Variants in MED1 observed in about 807,000 individuals in gnomAD.
MED1 encodes mediator of RNA polymerase II transcription subunit 1.
A neutral mutation model predicts 121.3 loss-of-function variants in MED1; 17 were observed. The ratio of observed to expected loss-of-function variants is 0.14; its 90% CI spans 0.10 to 0.21. The LOEUF is 0.21. Ranked by LOEUF, MED1 falls within the 10% of genes least tolerant of loss-of-function variation. The pLI, the probability that MED1 is intolerant of heterozygous loss-of-function variation, is 1.00. For synonymous variants in MED1, 661 were observed against 694.4 expected (o/e 0.95, Z 0.76); for missense variants, 1,558 against 1,919.4 (o/e 0.81, Z 3.52).
chr17:39,448,548 CAAA>C (rs71147333), intron 1 of MED1, among the ~76,000 whole-genome samples: 5 of 69,996 alleles, frequency 7.1e-5, no homozygotes, highest in Admixed American at 1.7e-4. Context: ...GACATTGTGT[CAAA>C]AAAAAAAAAA....
chr17:39,440,331 A>G lies in MED1; in HGVS notation c.399+55T>C, dbSNP rs1020912656. ...TTAAACCCCAACAATTAATTTTAAAATTAATGTCCCTAAGTAAACCCCACA... is the reference window on the plus strand; with the variant it reads ...TTAAACCCCAACAATTAATTTTAAAGTTAATGTCCCTAAGTAAACCCCACA... On this transcript the variant is annotated intron_variant, in intron 5 of 16. Coordinates refer to ENST00000300651, the MANE Select transcript of MED1 (RefSeq NM_004774.4). The surrounding 1 kb of genome is among the most constrained non-coding windows in gnomAD (Gnocchi z 4.1). 6.7e-7 allele frequency: 1 copy of G among 1,492,662 alleles called. No individual in the cohort carries two copies. The highest frequency in any genetic ancestry group is 2.6e-5 in the Admixed American group (1 of 38,424). The allele number at this position is 1,492,662 out of a possible 1,614,324, so 92.5% of individuals were successfully genotyped here.
Position 39,410,812 on chromosome 17 carries a change from G to A in MED1, c.1500-91C>T, listed in dbSNP as rs2048348758. 1.3e-5 allele frequency: 20 copies of A among 1,494,344 alleles called. No individual in the cohort carries two copies. The Middle Eastern group carries it at 6.9e-4, about 51-fold the overall frequency. The allele number at this position is 1,494,344 out of a possible 1,614,324, so 92.6% of individuals were successfully genotyped here. A position where few individuals can be genotyped will look rare whatever the true frequency, so the allele number is the denominator to read the frequency against. ...ATATAACATCAGAGTTTTGCAGTAA[G>A]CAGTTTTCAGGTAGGGCAAATAATC... On this transcript the variant is annotated intron_variant, in intron 16 of 16. Transcript: ENST00000300651.
intron 2 of MED1, among the ~76,000 whole-genome samples, chr17:39,446,217 G>A (rs902912586): frequency 4.0e-5 from 6 of 151,476 alleles, no homozygotes; most frequent in Non-Finnish European, 7.4e-5. Context: ...TTGAGAGGCC[G>A]AGACGGGTGG....
At chr17:39,413,725 C>T (rs1454174255) in intron 16 of MED1, among the ~76,000 whole-genome samples, 1 of 151,620 alleles carries the variant, frequency 6.6e-6, no homozygotes, top group East Asian at 1.9e-4. Flanking sequence ...CAGAGTGAGA[C>T]TCTTGTCTCA....
At chr17:39,443,834 A>C (rs1419385591) in intron 2 of MED1, among the ~76,000 whole-genome samples, 2 of 151,666 alleles carry the variant, frequency 1.3e-5, no homozygotes, top group South Asian at 4.2e-4. Context: ...TGAGTGTAGA[A>C]AAAGGTATTC....
At chr17:39,438,234 C>T (rs371521601) in intron 6 of MED1, among the ~76,000 whole-genome samples, 5 of 149,274 alleles carry the variant, frequency 3.3e-5, no homozygotes, top group Non-Finnish European at 5.9e-5. Flanking sequence ...TGCAGTGGCA[C>T]GATCTCAGCA....
At chr17:39,420,717 C>T (rs1346158397) in intron 13 of MED1, among the ~76,000 whole-genome samples, 1 of 151,504 alleles carries the variant, frequency 6.6e-6, no homozygotes, top group Non-Finnish European at 1.5e-5. Context: ...TCATTGCAAT[C>T]TCTACCTCCC....
chr17:39,424,108 C>T (rs564311975), intron 11 of MED1, among the ~76,000 whole-genome samples: 89 of 152,188 alleles, frequency 5.8e-4, no homozygotes, highest in Non-Finnish European at 1.0e-3. Context: ...GTCTTGAACT[C>T]CTGACCTCAG....
chr17:39,440,769 C>A lies in MED1; in HGVS notation c.212-92G>T. 1 of 1,227,450 alleles carries A rather than the reference C, an allele frequency of 8.1e-7. No individual in the cohort carries two copies. Among genetic ancestry groups the A allele is most frequent in the Non-Finnish European group, 1.2e-6 (1 of 851,614 alleles). 76.0% of individuals were successfully genotyped at this position (1,227,450 alleles called of 1,614,324 possible). On this transcript the variant is annotated intron_variant, in intron 3 of 16. Transcript: ENST00000300651. This position sits in a 1 kb window ranked among gnomAD's most constrained non-coding sequence, Gnocchi z 4.1. ...ACAGAAAGATTCATCCTTCCAAAAC[C>A]GTAAACATATTCAGTAGTTCAAATG...
rs924795139 is a variant in MED1 at position 39,409,255 on chromosome 17, T to C, written c.2966A>G (p.Asp989Gly). 2.5e-6 allele frequency: 4 copies of C among 1,614,170 alleles called. No individual in the cohort carries two copies. The highest frequency in any genetic ancestry group is 3.4e-6 in the Non-Finnish European group (4 of 1,180,032). Residue 989 changes from aspartate to glycine, a missense_variant, in exon 17 of 17, where the codon GAC (aspartate) becomes GGC (glycine). Physicochemically the swap from Asp to Gly is moderately conservative, Grantham distance 94. Around this residue, in one of 5 missense-constraint regions of MED1, gnomAD observed 793 missense variants for 898.2 expected, o/e 0.88. Coordinates refer to ENST00000300651, the MANE Select transcript of MED1 (RefSeq NM_004774.4). ...CCGACTGCGCTTCCCTGGTTTGCTG[T>C]CTAATCCGGGCCCCGAGAGAGTACT... ...SNSTLSGPGLDSKPGKRSRTP... is the reference protein window; with the variant it reads ...SNSTLSGPGLGSKPGKRSRTP...
chr17:39,436,911 G>A (rs185535169), intron 6 of MED1, among the ~76,000 whole-genome samples: 112 of 151,718 alleles, frequency 7.4e-4, no homozygotes, highest in Middle Eastern at 3.4e-3. Context: ...GGGATTACAC[G>A]TGTGAGCCAC....
Position 39,405,774 on chromosome 17 carries a change from G to A in MED1, c.*1701C>T, listed in dbSNP as rs1454878444. Reference sequence around the variant, plus strand: ...AAAAGGAGAACACTAGAGGAAATGAGACAGGAAAGAAAGCCAAAGCTGATT... The same window carrying A: ...AAAAGGAGAACACTAGAGGAAATGAAACAGGAAAGAAAGCCAAAGCTGATT... On this transcript the variant is annotated 3_prime_UTR_variant, in exon 17 of 17. Coordinates refer to ENST00000300651, the MANE Select transcript of MED1 (RefSeq NM_004774.4). 1.0e-6 allele frequency: 1 copy of A among 986,510 alleles called. No individual in the cohort carries two copies. The highest frequency in any genetic ancestry group is 1.7e-5 in the African/African-American group (1 of 57,356). The allele number at this position is 986,510 out of a possible 1,614,324, so 61.1% of individuals were successfully genotyped here. A position where few individuals can be genotyped will look rare whatever the true frequency, so the allele number is the denominator to read the frequency against.
chr17:39,418,312 G>C (rs2048429578), intron 14 of MED1, among the ~76,000 whole-genome samples: 2 of 151,898 alleles, frequency 1.3e-5, no homozygotes, highest in Non-Finnish European at 2.9e-5. Flanking sequence ...GCCTAGTCAA[G>C]AGGATCGCTT....
Position 39,423,380 on chromosome 17 carries a change from G to C in MED1, c.1042C>G (p.Leu348Val). Residue 348 changes from leucine (L) to valine (V), a missense_variant, in exon 13 of 17, where the codon CTA becomes GTA. Physicochemically the swap from Leu to Val is conservative, Grantham distance 32 (BLOSUM62 1). Coordinates refer to ENST00000300651, the MANE Select transcript of MED1 (RefSeq NM_004774.4). Reference sequence around the variant, plus strand: ...GGTATGGGGTCAGGGTCCTTTGATAGCTCAAACTGAGTGATCAGTTCATAC... The same window carrying C: ...GGTATGGGGTCAGGGTCCTTTGATACCTCAAACTGAGTGATCAGTTCATAC... ...PLYELITQFELSKDPDPIPLN... is the reference protein window; with the variant it reads ...PLYELITQFEVSKDPDPIPLN... The C allele has an allele frequency of 6.2e-7, 1 of 1,613,976 alleles. No individual in the cohort carries two copies. Among genetic ancestry groups the C allele is most frequent in the Non-Finnish European group, 8.5e-7 (1 of 1,179,918 alleles).
In MED1 at chr17:39,441,855, C is replaced by T. The variant is rs542579520; in HGVS notation, c.212-1178G>A. 2.0e-5 allele frequency among the ~76,000 whole-genome samples: 3 copies of T among 152,276 alleles called. No homozygotes were observed. In the East Asian group the frequency reaches 5.8e-4, roughly 29 times the overall value. The stretch of plus-strand genomic sequence containing the variant: ...AAGTGGCTCACGCCTGTAATCCCAA[C>T]ACTTTGGGAGGCCAAGGCAGGCAGA... On this transcript the variant is annotated intron_variant, in intron 3 of 16. Transcript: ENST00000300651.
At chr17:39,410,911 A>G (rs1036582358) in intron 16 of MED1, among the ~76,000 whole-genome samples, 190 bp from the exon 17 acceptor site, 1 of 152,220 alleles carries the variant, frequency 6.6e-6, no homozygotes, top group Non-Finnish European at 1.5e-5. Context: ...CCCAACATAA[A>G]ATTGTCAACC....
intron 2 of MED1, among the ~76,000 whole-genome samples, chr17:39,446,190 C>G (rs1480746508): frequency 6.6e-6 from 1 of 152,018 alleles, no homozygotes; most frequent in East Asian, 1.9e-4. Flanking sequence ...AGTGGCTACG[C>G]CTGTAATCCC....
chr17:39,419,018 CTTGTGA>C (rs1197167471), intron 14 of MED1, among the ~76,000 whole-genome samples: 6 of 152,120 alleles, frequency 3.9e-5, no homozygotes, highest in African/African-American at 1.4e-4. Context: ...ATCTCTTGAC[CTTGTGA>C]TCTGCCCACC....
Position 39,440,674 on chromosome 17 carries a change from G to A in MED1, c.215C>T (p.Thr72Ile), listed in dbSNP as rs746354637. Residue 72 changes from threonine (T) to isoleucine (I), a missense_variant, in exon 4 of 17, where the codon ACA (threonine) becomes ATA (isoleucine). Coordinates refer to ENST00000300651, the MANE Select transcript of MED1 (RefSeq NM_004774.4). This position sits in a 1 kb window ranked among gnomAD's most constrained non-coding sequence, Gnocchi z 4.1. ...ACGATCAGTCATTGCTGGTAAAGAT[G>A]TTACTATAAAAGGATGAAAAAAGGA... is the stretch of plus-strand genomic sequence containing the variant. ...LETLQKALKV[T>I]SLPAMTDRLE... 2 of 1,612,388 alleles carry A rather than the reference G, an allele frequency of 1.2e-6. No homozygotes were observed. The highest frequency in any genetic ancestry group is 8.5e-7 in the Non-Finnish European group (1 of 1,179,040).
Sources: allele counts gnomAD v4.1 joint callset (sites outside exome capture counted in the v4.1 genomes callset), GRCh38; gene constraint gnomAD v4.1.1; regional missense constraint gnomAD v4.1.1; non-coding constraint Gnocchi (gnomAD v3.1); transcripts MANE v1.5; gene names NCBI Gene and HGNC (gene_info 2026-07-23, HGNC 2026-07-21).